The following TAOK2 variants were observed in gnomAD, a reference collection of about 807,000 sequenced individuals.
TAOK2 encodes TAO kinase 2, also known as serine/threonine-protein kinase TAO2.
Under a neutral mutation model 122.5 loss-of-function variants are expected in TAOK2, and 42 were observed. The observed-to-expected ratio is 0.34, with a 90% CI of 0.27 to 0.44. The LOEUF (loss-of-function observed/expected upper bound fraction) is 0.44. Ranked by LOEUF, TAOK2 falls within the 20% of genes least tolerant of loss-of-function variation. TAOK2 has a pLI of 1.00. For synonymous variants in TAOK2, 704 were observed against 677.6 expected (o/e 1.04, Z -0.61); for missense variants, 1,264 against 1,644.9 (o/e 0.77, Z 4.01).
At chr16:29,989,649 G>A, downstream of TAOK2, 1 of 1,614,092 alleles carries the variant, frequency 6.2e-7, no homozygotes. Flanking sequence ...TCCAGACTCG[G>A]CAGTACAAGG....
At chr16:29,975,446 T>C (rs1039919077) in intron 1 of TAOK2, among the ~76,000 whole-genome samples, 15 of 152,218 alleles carry the variant, frequency 9.9e-5, no homozygotes, top group African/African-American at 3.4e-4. Flanking sequence ...TCTTGCCATC[T>C]CTTTTCCTCT....
chr16:29,977,653 A>C, intron 1 of TAOK2, 85 bp from the exon 2 acceptor site: 13 of 1,241,918 alleles, frequency 1.0e-5, no homozygotes, highest in South Asian at 1.5e-5. Flanking sequence ...GAATGAGGGG[A>C]GGAGATGGCA....
At position 29,978,831 on chromosome 16, in the gene TAOK2, T is replaced by C. The variant is rs1219414415; in HGVS notation, c.339T>C (p.Ser113=). The change falls in exon 5 of 16, where the codon TCT becomes TCC. Residue 113 remains serine (S), a synonymous_variant. Transcript: ENST00000308893. ...LVMEYCLGSA[S]DLLEVHKKPL... is the part of the protein sequence containing the mutation. ...TGGAGTATTGCCTGGGCTCAGCTTCTGACCTTCTAGAAGGTAAGTGACTGA... is the reference window on the plus strand; with the variant it reads ...TGGAGTATTGCCTGGGCTCAGCTTCCGACCTTCTAGAAGGTAAGTGACTGA... The C allele has an allele frequency of 6.2e-7, 1 of 1,613,964 alleles. No individual in the cohort carries two copies. Among genetic ancestry groups the C allele is most frequent in the Non-Finnish European group, 8.5e-7 (1 of 1,179,980 alleles).
Position 29,979,405 on chromosome 16 carries a change from C to T in TAOK2, c.564-12C>T, listed in dbSNP as rs1596598622. 2 of 1,598,226 alleles carry T rather than the reference C, an allele frequency of 1.3e-6. No homozygotes were observed. Among genetic ancestry groups the T allele is most frequent in the Admixed American group, 1.7e-5 (1 of 58,854 alleles). On this transcript the variant is annotated splice_polypyrimidine_tract_variant and intron_variant, in intron 7 of 15. Coordinates refer to ENST00000308893, the MANE Select transcript of TAOK2 (RefSeq NM_016151.4). The surrounding 1 kb of genome is among the most constrained non-coding windows in gnomAD (Gnocchi z 4.1). Reference sequence around the variant, plus strand: ...CGGGTGATTTGCCTCTCTCTCCTGACCATTCTCCTAGGATGGCACCCGAGG... The same window carrying T: ...CGGGTGATTTGCCTCTCTCTCCTGATCATTCTCCTAGGATGGCACCCGAGG...
At chr16:29,991,214 T>C (rs1409943449), downstream of TAOK2, 9 of 1,611,140 alleles carry the variant, frequency 5.6e-6, no homozygotes, top group Middle Eastern at 3.3e-4. This position sits in a 1 kb window ranked among gnomAD's most constrained non-coding sequence, Gnocchi z 5.6. Flanking sequence ...CCCAGGGCTA[T>C]CCTGCTCCAC....
chr16:29,992,078 C>G (rs1445924741), downstream of TAOK2: 1 of 151,094 alleles, frequency 6.6e-6, no homozygotes, highest in East Asian at 1.9e-4. Flanking sequence ...CCTGTGCCGT[C>G]TTGTCCTTTA....
downstream of TAOK2, chr16:29,990,851 A>G (rs2069949491): frequency 6.2e-7 from 1 of 1,613,566 alleles, no homozygotes; most frequent in Non-Finnish European, 8.5e-7. Flanking sequence ...CAGGAGCTGG[A>G]GCTGCTCAAC....
intron 1 of TAOK2, among the ~76,000 whole-genome samples, chr16:29,974,972 T>C (rs1299457784): frequency 6.6e-6 from 1 of 152,100 alleles, no homozygotes; most frequent in Non-Finnish European, 1.5e-5. Context: ...CCACCTCTCC[T>C]CCCTGATATG....
Position 29,987,313 on chromosome 16 carries a change from C to T in TAOK2, c.3041C>T (p.Ser1014Phe). 4 of 1,525,952 alleles carry T rather than the reference C, an allele frequency of 2.6e-6. No individual in the cohort carries two copies. The highest frequency in any genetic ancestry group is 3.5e-6 in the Non-Finnish European group (4 of 1,139,284). 94.5% of individuals were successfully genotyped at this position (1,525,952 alleles called of 1,614,324 possible). ...LLLCTALHLP[S>F]SLFLLLAQGT... ...CTTTGTACAGCCCTGCACCTGCCCTCCAGTCTTTTCCTACTCCTGGCCCAG... is the reference window on the plus strand; with the variant it reads ...CTTTGTACAGCCCTGCACCTGCCCTTCAGTCTTTTCCTACTCCTGGCCCAG... The change falls in exon 16 of 16, where the codon TCC becomes TTC. Residue 1014 changes from serine to phenylalanine, a missense_variant. Ser to Phe is a radical substitution (Grantham distance 155). This residue lies in a region of TAOK2 where 824 missense variants were observed against 908.7 expected (regional missense o/e 0.91). Coordinates refer to ENST00000308893, the MANE Select transcript of TAOK2 (RefSeq NM_016151.4).
chr16:29,988,832 G>A (rs551000080), downstream of TAOK2: 4 of 985,438 alleles, frequency 4.1e-6, no homozygotes, highest in African/African-American at 7.0e-5. Flanking sequence ...GGCGGAGTAT[G>A]AAGGCTGTGG....
In TAOK2 at chr16:29,979,292, G is replaced by A. The variant is rs2150886057; in HGVS notation, c.547G>A (p.Val183Met). ...CATCATGGCACCTGCCAACTCCTTC[G>A]TGGGCACCCCATACTGGTGAGTGAG... is the stretch of plus-strand genomic sequence containing the variant. ...ASIMAPANSF[V>M]GTPYWMAPEV... The change falls in exon 7 of 16, where the codon GTG becomes ATG. Residue 183 changes from valine to methionine, a missense_variant. Transcript: ENST00000308893. The surrounding 1 kb of genome is among the most constrained non-coding windows in gnomAD (Gnocchi z 4.1). 1 of 1,614,164 alleles carries A rather than the reference G, an allele frequency of 6.2e-7. No homozygotes were observed. Among genetic ancestry groups the A allele is most frequent in the Non-Finnish European group, 8.5e-7 (1 of 1,180,022 alleles).
rs766490332 is a variant in TAOK2 at position 29,987,236 on chromosome 16, G to A, written c.2964G>A (p.Ala988=). The stretch of plus-strand genomic sequence containing the variant: ...AGGGTGGGGGTGGCCTGCAGGCAGC[G>A]CTGCTGGCCCTTGAGGTGGGGCTGG... ...AAQGGGGLQA[A]LLALEVGLVG... Residue 988 remains alanine, a synonymous_variant, in exon 16 of 16, where the codon GCG becomes GCA. Transcript: ENST00000308893. 4.6e-6 allele frequency: 7 copies of A among 1,537,328 alleles called. No individual in the cohort carries two copies. The East Asian group carries it at 6.8e-5, about 15-fold the overall frequency.
intron 9 of TAOK2, 30 bp downstream of exon 9, chr16:29,981,784 A>G (rs369833522): frequency 1.2e-6 from 2 of 1,613,098 alleles, no homozygotes; most frequent in Non-Finnish European, 1.7e-6. Flanking sequence ...ATCTGGGCCC[A>G]GGCGTTAGGC....
chr16:29,988,027 T>C lies in TAOK2; in HGVS notation c.*47T>C. On this transcript the variant is annotated 3_prime_UTR_variant, in exon 16 of 16. Coordinates refer to ENST00000308893, the MANE Select transcript of TAOK2 (RefSeq NM_016151.4). ...CAAATCTAGAGCATTGAGCACTTTATCTCCCACGACTCAGTGAAGTTTCTC... is the reference window on the plus strand; with the variant it reads ...CAAATCTAGAGCATTGAGCACTTTACCTCCCACGACTCAGTGAAGTTTCTC... 4.0e-6 allele frequency: 6 copies of C among 1,492,640 alleles called. No homozygotes were observed. The highest frequency in any genetic ancestry group is 5.3e-6 in the Non-Finnish European group (6 of 1,129,894). The allele number at this position is 1,492,640 out of a possible 1,614,324, so 92.5% of individuals were successfully genotyped here. A position where few individuals can be genotyped will look rare whatever the true frequency, so the allele number is the denominator to read the frequency against.
rs896588340 is a variant in TAOK2, at chr16:29,987,350, G to C, written c.3078G>C (p.Leu1026=). 1 of 1,571,410 alleles carries C rather than the reference G, an allele frequency of 6.4e-7. No homozygotes were observed. Among genetic ancestry groups the C allele is most frequent in the African/African-American group, 1.4e-5 (1 of 73,446 alleles). Residue 1026 remains leucine, a synonymous_variant, in exon 16 of 16, where the codon CTG becomes CTC. Coordinates refer to ENST00000308893, the MANE Select transcript of TAOK2 (RefSeq NM_016151.4). The part of the protein sequence containing the change: ...LFLLLAQGTA[L]GAVLGLSWRR... Reference sequence around the variant, plus strand: ...TACTCCTGGCCCAGGGTACCGCACTGGGGGCCGTCCTGGGCCTGAGCTGGC... The same window carrying C: ...TACTCCTGGCCCAGGGTACCGCACTCGGGGCCGTCCTGGGCCTGAGCTGGC...
rs1186851315 is a variant in TAOK2, at chr16:29,988,341, TC to T, written c.*367del. On this transcript the variant is annotated 3_prime_UTR_variant, in exon 16 of 16. Transcript: ENST00000308893. ...CTGTCTCCCTTCCAACCTGTCCCCT[TC>T]CCCCCACCAAAAAAAGAAAAAGACA... The T allele has an allele frequency of 2.2e-6, 3 of 1,386,066 alleles. No homozygotes were observed. Among genetic ancestry groups the T allele is most frequent in the Admixed American group, 2.2e-5 (1 of 45,282 alleles). 85.9% of individuals were successfully genotyped at this position (1,386,066 alleles called of 1,614,324 possible).
At position 29,981,934 on chromosome 16, in the gene TAOK2, C is replaced by A; in HGVS notation, c.825C>A (p.Leu275=). 6.2e-7 allele frequency: 1 copy of A among 1,613,082 alleles called. No homozygotes were observed. Among genetic ancestry groups the A allele is most frequent in the Non-Finnish European group, 8.5e-7 (1 of 1,179,470 alleles). Residue 275 remains leucine, a synonymous_variant, in exon 10 of 16, where the codon CTC becomes CTA. Transcript: ENST00000308893. ...IPQDRPTSEV[L]LKHRFVLRER... is the part of the protein sequence containing the mutation. ...AAGACAGACCAACCTCAGAGGTTCTCCTGAAGGTGAGGGCCTGCTGGCCTA... is the reference window on the plus strand; with the variant it reads ...AAGACAGACCAACCTCAGAGGTTCTACTGAAGGTGAGGGCCTGCTGGCCTA...
chr16:29,989,734 C>G (rs1388054758), downstream of TAOK2: 1 of 1,613,912 alleles, frequency 6.2e-7, no homozygotes, highest in Non-Finnish European at 8.5e-7. Flanking sequence ...CAAGGAAGAG[C>G]AGACCCGCAA....
chr16:29,991,178 G>A (rs138517482), downstream of TAOK2: 1 of 1,610,952 alleles, frequency 6.2e-7, no homozygotes, highest in South Asian at 1.1e-5. The surrounding 1 kb of genome is among the most constrained non-coding windows in gnomAD (Gnocchi z 5.6). Flanking sequence ...GCATGGCTCT[G>A]GGGGGCATCC....
Sources: gnomAD v4.1 joint callset for allele counts (sites outside exome capture counted in the v4.1 genomes callset) on GRCh38, gnomAD v4.1.1 for gene constraint, gnomAD v4.1.1 regional missense constraint, Gnocchi (gnomAD v3.1) non-coding constraint, MANE v1.5 for transcripts, NCBI Gene and HGNC (gene_info 2026-07-23, HGNC 2026-07-21) for gene names.